The following SMAD4 variants were observed in gnomAD, a reference collection of about 807,000 sequenced individuals.
SMAD4 encodes SMAD family member 4.
In SMAD4, 7 loss-of-function variants were observed where a neutral mutation model predicts 63.2. The ratio of observed to expected loss-of-function variants is 0.11; its 90% CI spans 0.06 to 0.21. SMAD4 has a LOEUF of 0.21. Among genes scored for constraint, SMAD4 ranks in the 10% least tolerant of loss-of-function variants. The probability of loss-of-function intolerance (pLI) is 1.00; values close to 1 mark genes in which losing one functional copy is unlikely to be tolerated. For missense variants in SMAD4, 312 were observed against 693.8 expected, an observed-to-expected ratio of 0.45 and a Z score of 6.18; for synonymous variants, 215 against 235.4, an observed-to-expected ratio of 0.91 and a Z score of 0.79.
chr18:51,048,464 T>A (rs1002173842), intron 2 of SMAD4, among the ~76,000 whole-genome samples: 1 of 152,226 alleles, frequency 6.6e-6, no homozygotes, highest in Non-Finnish European at 1.5e-5. Context: ...AGTCACTTTT[T>A]ACATTTTTAA....
chr18:51,078,152 G>A, intron 11 of SMAD4, 104 bp from the exon 12 acceptor site: 2 of 928,682 alleles, frequency 2.2e-6, no homozygotes, highest in Non-Finnish European at 1.8e-6. Context: ...ATATGCTGAG[G>A]AGAATGAAAT....
intron 4 of SMAD4, chr18:51,053,293 T>G (rs1463889971): frequency 1.3e-5 from 2 of 152,104 alleles, no homozygotes; most frequent in Non-Finnish European, 2.9e-5. Context: ...AGGAATTAAT[T>G]AGAGATGTCA....
At chr18:51,042,476 G>A (rs1283829033) in intron 1 of SMAD4, among the ~76,000 whole-genome samples, 2 of 151,734 alleles carry the variant, frequency 1.3e-5, no homozygotes, top group Non-Finnish European at 2.9e-5. Flanking sequence ...GGCTCAAGCC[G>A]TCCTCCCACC....
intron 10 of SMAD4, among the ~76,000 whole-genome samples, chr18:51,075,961 T>C (rs889164588): frequency 2.0e-5 from 3 of 152,180 alleles, no homozygotes; most frequent in East Asian, 1.9e-4. Flanking sequence ...ACTGGGCCTT[T>C]TTTTTCCTTA....
At position 51,079,306 on chromosome 18, in the gene SMAD4, G is replaced by T. The variant is rs1444443247; in HGVS notation, c.*839G>T. 4.3e-6 allele frequency: 1 copy of T among 233,186 alleles called. No homozygotes were observed. Among genetic ancestry groups the T allele is most frequent in the Non-Finnish European group, 8.5e-6 (1 of 117,904 alleles). 14.4% of individuals were successfully genotyped at this position (233,186 alleles called of 1,614,324 possible). On this transcript the variant is annotated 3_prime_UTR_variant, in exon 12 of 12. Transcript: ENST00000342988. ...GGAATTTCTTTTCCTTCATTCATAG[G>T]GAAAGGTTTTGTATTTTTTAAAACA...
intron 4 of SMAD4, 147 bp downstream of exon 4, chr18:51,049,471 TA>T (rs371709961): frequency 1.2e-5 from 8 of 667,034 alleles, no homozygotes; most frequent in South Asian, 3.5e-5. Context: ...ATTTTGAGGT[TA>T]GGGGCATTTA....
At chr18:51,034,412 A>G (rs1909143393) in intron 1 of SMAD4, among the ~76,000 whole-genome samples, 1 of 151,714 alleles carries the variant, frequency 6.6e-6, no homozygotes, top group Admixed American at 6.6e-5. Context: ...ATGCCAAGCT[A>G]ATTTTTTTGT....
chr18:51,043,277 T>C (rs1353897438), intron 1 of SMAD4, among the ~76,000 whole-genome samples: 2 of 152,206 alleles, frequency 1.3e-5, no homozygotes, highest in Admixed American at 1.3e-4. Flanking sequence ...GCTTTGTATA[T>C]ACAGTGTTTG....
intron 4 of SMAD4, 79 bp downstream of exon 4, chr18:51,049,403 G>A (rs1909641570): frequency 6.8e-6 from 7 of 1,036,878 alleles, no homozygotes; most frequent in Middle Eastern, 2.3e-4. Context: ...GAATTAGTTT[G>A]TGTGAGCGGC....
chr18:51,050,829 T>C (rs976821720), intron 4 of SMAD4, among the ~76,000 whole-genome samples: 3 of 152,064 alleles, frequency 2.0e-5, no homozygotes, highest in African/African-American at 2.4e-5. Flanking sequence ...CTACTTGTTT[T>C]TTTTTTTCCA....
In SMAD4 at chr18:51,067,258, G is replaced by T. The variant is rs1438083206; in HGVS notation, c.1308+71G>T. 16 of 859,918 alleles carry T rather than the reference G, an allele frequency of 1.9e-5. No homozygotes were observed. The Admixed American group carries it at 2.5e-4, about 13-fold the overall frequency. The allele number at this position is 859,918 out of a possible 1,614,324, so 53.3% of individuals were successfully genotyped here. A position where few individuals can be genotyped will look rare whatever the true frequency, so the allele number is the denominator to read the frequency against. Reference sequence around the variant, plus strand: ...TGTTGTCAAAAGAATTGAAATCTGGGTGGAAGGAATGGAAAAATGTTTTAT... The same window carrying T: ...TGTTGTCAAAAGAATTGAAATCTGGTTGGAAGGAATGGAAAAATGTTTTAT... On this transcript the variant is annotated intron_variant, in intron 10 of 11. Transcript: ENST00000342988.
At chr18:51,038,351 C>T (rs192473527) in intron 1 of SMAD4, among the ~76,000 whole-genome samples, 6 of 152,096 alleles carry the variant, frequency 3.9e-5, no homozygotes, top group Non-Finnish European at 7.4e-5. Flanking sequence ...GTTACAAAAT[C>T]GTGCATGGGT....
intron 1 of SMAD4, among the ~76,000 whole-genome samples, chr18:51,040,448 T>A (rs1909342078): frequency 6.6e-6 from 1 of 152,142 alleles, no homozygotes. Flanking sequence ...TTTAAGCACT[T>A]TTCTCAAATA....
intron 9 of SMAD4, 109 bp from the exon 10 acceptor site, chr18:51,066,910 G>A: frequency 1.2e-6 from 1 of 864,958 alleles, no homozygotes; most frequent in Non-Finnish European, 1.9e-6. Context: ...TTGGTTTTAT[G>A]TGATCTTTAT....
rs1910629312 is a variant in SMAD4 at position 51,082,289 on chromosome 18, T to C, written c.*3822T>C. The C allele has an allele frequency of 4.4e-6, 1 of 228,816 alleles. No individual in the cohort carries two copies. The highest frequency in any genetic ancestry group is 5.7e-5 in the Admixed American group (1 of 17,604). 14.2% of individuals were successfully genotyped at this position (228,816 alleles called of 1,614,324 possible). ...ATCTAAATAATCTCATATCCTCTTT[T>C]GCAAAGACTACAGAGAATAGGCTAT... On this transcript the variant is annotated 3_prime_UTR_variant, in exon 12 of 12. Transcript: ENST00000342988.
intron 8 of SMAD4, among the ~76,000 whole-genome samples, chr18:51,061,738 A>G (rs566994217): frequency 6.6e-6 from 1 of 152,306 alleles, no homozygotes; most frequent in Non-Finnish European, 1.5e-5. Flanking sequence ...TATTAGTTTT[A>G]TATGTAAATA....
chr18:51,048,681 T>G lies in SMAD4; in HGVS notation c.250-5T>G, dbSNP rs1232598459. 6.2e-7 allele frequency: 1 copy of G among 1,614,020 alleles called. No homozygotes were observed. Among genetic ancestry groups the G allele is most frequent in the Non-Finnish European group, 8.5e-7 (1 of 1,179,846 alleles). On this transcript the variant is annotated splice_region_variant and splice_polypyrimidine_tract_variant and intron_variant, in intron 2 of 11. Coordinates refer to ENST00000342988, the MANE Select transcript of SMAD4 (RefSeq NM_005359.6). Reference sequence around the variant, plus strand: ...ACATGAATAAATGGTCGTTTATTTTTCTAGGTGGCTGGTCGGAAAGGATTT... The same window carrying G: ...ACATGAATAAATGGTCGTTTATTTTGCTAGGTGGCTGGTCGGAAAGGATTT...
intron 10 of SMAD4, among the ~76,000 whole-genome samples, 183 bp downstream of exon 10, chr18:51,067,370 C>T (rs1409573330): frequency 2.0e-5 from 3 of 151,812 alleles, no homozygotes; most frequent in Admixed American, 1.3e-4. Flanking sequence ...CTAGTTTTAT[C>T]GTTGCCAATT....
chr18:51,064,493 G>A (rs1910098524), intron 8 of SMAD4, among the ~76,000 whole-genome samples: 1 of 152,178 alleles, frequency 6.6e-6, no homozygotes, highest in Non-Finnish European at 1.5e-5. Context: ...TGTATGCAGT[G>A]CCTAGAAAGA....
Sources: gnomAD v4.1 joint callset for allele counts (sites outside exome capture counted in the v4.1 genomes callset) on GRCh38, gnomAD v4.1.1 for gene constraint, MANE v1.5 for transcripts, NCBI Gene and HGNC (gene_info 2026-07-23, HGNC 2026-07-21) for gene names.